The following MRPS11 variants were observed in gnomAD, a reference collection of about 807,000 sequenced individuals.
The protein encoded by MRPS11 is mitochondrial ribosomal protein S11.
MRPS11 carries 27 observed loss-of-function variants against 24.3 expected under a neutral mutation model. That is an observed-to-expected ratio of 1.11 (90% confidence interval 0.82 to 1.53). The LOEUF (loss-of-function observed/expected upper bound fraction) is 1.53, where lower values mean the gene tolerates loss of function less well. Among genes scored for constraint, MRPS11 ranks in the 40% most tolerant of loss-of-function variants. The pLI is 0.00. For synonymous variants in MRPS11, 104 were observed against 98.7 expected, an observed-to-expected ratio of 1.05 and a Z score of -0.32; for missense variants, 277 against 256.5, an observed-to-expected ratio of 1.08 and a Z score of -0.55.
intron 2 of MRPS11, 107 bp downstream of exon 2, chr15:88,468,131 C>T: frequency 2.0e-6 from 3 of 1,485,256 alleles, no homozygotes; most frequent in South Asian, 1.3e-5. Flanking sequence ...ACTTGCTATC[C>T]GTGGGACCTT....
chr15:88,475,950 C>G lies in MRPS11; in HGVS notation c.411+711C>G, dbSNP rs2055813580. On this transcript the variant is annotated intron_variant, in intron 4 of 5. Transcript: ENST00000325844. This position sits in a 1 kb window ranked among gnomAD's most constrained non-coding sequence, Gnocchi z 4.1. ...CCAGCCTGGTGACAGAGCGAGACTC[C>G]ATCTCAAGAAAAAAAATAAAAATAA... Among the ~76,000 whole-genome samples, 1 of 151,854 alleles carries G rather than the reference C, an allele frequency of 6.6e-6. No individual in the cohort carries two copies. Among genetic ancestry groups the G allele is most frequent in the Non-Finnish European group, 1.5e-5 (1 of 67,990 alleles).
chr15:88,468,015 C>G lies in MRPS11; in HGVS notation c.173C>G (p.Thr58Ser). Residue 58 changes from threonine (T) to serine (S), a missense_variant, in exon 2 of 6, where the codon ACC (threonine) becomes AGC (serine). Thr to Ser is a moderately conservative substitution (Grantham distance 58). Transcript: ENST00000325844. ...GAACAGAACGCGGCTCCCAGCCACA[C>G]CAAGTTCAGGTGAGCCCCACTTGGA... ...KVEQNAAPSHTKFSIYPPIPG... is the reference protein window; with the variant it reads ...KVEQNAAPSHSKFSIYPPIPG... 1 of 1,603,622 alleles carries G rather than the reference C, an allele frequency of 6.2e-7. No individual in the cohort carries two copies. The highest frequency in any genetic ancestry group is 1.3e-5 in the African/African-American group (1 of 74,736).
intron 3 of MRPS11, among the ~76,000 whole-genome samples, chr15:88,474,295 C>T (rs1056621869): frequency 4.6e-5 from 7 of 152,256 alleles, no homozygotes; most frequent in Non-Finnish European, 1.0e-4. Context: ...CGAGGTGGCT[C>T]ATGCCTGTAA....
At position 88,480,243 on chromosome 15, in the gene MRPS11, G is replaced by A. The variant is rs1428447703; in HGVS notation, c.*2264G>A. On this transcript the variant is annotated 3_prime_UTR_variant, in exon 6 of 6. Transcript: ENST00000325844. This position sits in a 1 kb window ranked among gnomAD's most constrained non-coding sequence, Gnocchi z 5.1. ...TTTTTATTTTGGTTTTGGTTTTTGA[G>A]TCTCGTTGTCACCCAGGCTGGATTG... 6.6e-6 allele frequency: 1 copy of A among 152,200 alleles called. No individual in the cohort carries two copies. The highest frequency in any genetic ancestry group is 2.4e-5 in the African/African-American group (1 of 41,426). 9.4% of individuals were successfully genotyped at this position (152,200 alleles called of 1,614,324 possible).
At chr15:88,468,373 G>A in intron 2 of MRPS11, 1 of 1,121,852 alleles carries the variant, frequency 8.9e-7, no homozygotes, top group Non-Finnish European at 1.1e-6. Flanking sequence ...GGGAGGTAGA[G>A]GGCGCTAGCG....
Position 88,479,318 on chromosome 15 carries a change from G to C in MRPS11, c.*1339G>C, listed in dbSNP as rs1397170735. 1 of 152,272 alleles carries C rather than the reference G, an allele frequency of 6.6e-6. No homozygotes were observed. The highest frequency in any genetic ancestry group is 6.5e-5 in the Admixed American group (1 of 15,282). 9.4% of individuals were successfully genotyped at this position (152,272 alleles called of 1,614,324 possible). ...TATCACCAGAAGCTGAGAAGGAGTG[G>C]TCAAGTACACAAAAGCACTGTTCCT... is the stretch of plus-strand genomic sequence containing the variant. On this transcript the variant is annotated 3_prime_UTR_variant, in exon 6 of 6. Coordinates refer to ENST00000325844, the MANE Select transcript of MRPS11 (RefSeq NM_022839.5).
intron 3 of MRPS11, among the ~76,000 whole-genome samples, chr15:88,473,429 C>G (rs1360097751): frequency 6.6e-6 from 1 of 152,222 alleles, no homozygotes; most frequent in Non-Finnish European, 1.5e-5. Context: ...GCACAAGAGA[C>G]TACAGTCATG....
rs2055832775 is a variant in MRPS11 at position 88,476,859 on chromosome 15, T to C, written c.412-130T>C. On this transcript the variant is annotated intron_variant, in intron 4 of 5. Coordinates refer to ENST00000325844, the MANE Select transcript of MRPS11 (RefSeq NM_022839.5). ...TCCTCCACTATAGCCATCTGCCCTT[T>C]GCCTCCCTGTTTACTTCTCTGGATG... is the stretch of plus-strand genomic sequence containing the variant. The C allele has an allele frequency of 3.6e-6, 3 of 844,360 alleles. No individual in the cohort carries two copies. The East Asian group carries it at 8.0e-5, about 23-fold the overall frequency. The allele number at this position is 844,360 out of a possible 1,614,324, so 52.3% of individuals were successfully genotyped here.
Position 88,480,397 on chromosome 15 carries a change from T to G in MRPS11, c.*2418T>G, listed in dbSNP as rs1402505011. ...ACACATGGATAATTTTTGTATTTTTTGTATTGAGACCAGGTCTTGAACTCC... is the reference window on the plus strand; with the variant it reads ...ACACATGGATAATTTTTGTATTTTTGGTATTGAGACCAGGTCTTGAACTCC... On this transcript the variant is annotated 3_prime_UTR_variant, in exon 6 of 6. Coordinates refer to ENST00000325844, the MANE Select transcript of MRPS11 (RefSeq NM_022839.5). This position sits in a 1 kb window ranked among gnomAD's most constrained non-coding sequence, Gnocchi z 5.1. 1 of 152,146 alleles carries G rather than the reference T, an allele frequency of 6.6e-6. No homozygotes were observed. Among genetic ancestry groups the G allele is most frequent in the East Asian group, 1.9e-4 (1 of 5,174 alleles). The allele number at this position is 152,146 out of a possible 1,614,324, so 9.4% of individuals were successfully genotyped here.
chr15:88,478,211 G>A lies in MRPS11; in HGVS notation c.*232G>A, dbSNP rs923883173. On this transcript the variant is annotated 3_prime_UTR_variant, in exon 6 of 6. Coordinates refer to ENST00000325844, the MANE Select transcript of MRPS11 (RefSeq NM_022839.5). This position sits in a 1 kb window ranked among gnomAD's most constrained non-coding sequence, Gnocchi z 4.7. ...CAAGAGGGGAGCTACAGGGGCAGCC[G>A]TGGCCTAGGCCCAAACTCTGCTCTG... The A allele has an allele frequency of 3.2e-5, 18 of 563,170 alleles. No homozygotes were observed. The highest frequency in any genetic ancestry group is 4.7e-4 in the Middle Eastern group (1 of 2,124). The allele number at this position is 563,170 out of a possible 1,614,324, so 34.9% of individuals were successfully genotyped here.
intron 3 of MRPS11, among the ~76,000 whole-genome samples, chr15:88,474,036 C>T (rs545889518): frequency 2.0e-5 from 3 of 151,722 alleles, no homozygotes; most frequent in Non-Finnish European, 4.4e-5. Context: ...ATTAGCCAGG[C>T]GTGGTGGCAT....
chr15:88,474,979 C>T (rs1056880127), intron 3 of MRPS11, 131 bp from the exon 4 acceptor site: 79 of 1,065,772 alleles, frequency 7.4e-5, no homozygotes, highest in Non-Finnish European at 1.0e-4. Context: ...ACATGTTCAT[C>T]TGAGAAGCTC....
chr15:88,477,099 G>C lies in MRPS11; in HGVS notation c.477+45G>C, dbSNP rs1366861258. ...ATAGTGTACTTGCCTCCTAGTAAGT[G>C]TGAGAATTTGGGGCTTGAGAGCAGA... On this transcript the variant is annotated intron_variant, in intron 5 of 5. Coordinates refer to ENST00000325844, the MANE Select transcript of MRPS11 (RefSeq NM_022839.5). The surrounding 1 kb of genome is among the most constrained non-coding windows in gnomAD (Gnocchi z 5.7). 1 of 1,586,916 alleles carries C rather than the reference G, an allele frequency of 6.3e-7. No individual in the cohort carries two copies. The highest frequency in any genetic ancestry group is 8.6e-7 in the Non-Finnish European group (1 of 1,157,800).
rs1326580765 is a variant in MRPS11 at position 88,469,901 on chromosome 15, A to C, written c.182+1877A>C. On this transcript the variant is annotated intron_variant, in intron 2 of 5. Transcript: ENST00000325844. The surrounding 1 kb of genome is among the most constrained non-coding windows in gnomAD (Gnocchi z 4.4). ...GACCCCAAATTTTGTTGGCCTAAAC[A>C]ACTGGAAAGACGGAGTTGTCATTGA... is the stretch of plus-strand genomic sequence containing the variant. Among the ~76,000 whole-genome samples, 6 of 152,352 alleles carry C rather than the reference A, an allele frequency of 3.9e-5. No individual in the cohort carries two copies. The East Asian group carries it at 1.2e-3, about 29-fold the overall frequency.
intron 3 of MRPS11, among the ~76,000 whole-genome samples, chr15:88,473,019 G>C (rs1334571117): frequency 2.0e-5 from 3 of 152,116 alleles, no homozygotes; most frequent in Non-Finnish European, 4.4e-5. Flanking sequence ...GTGTATGAGG[G>C]GCATATGGTC....
Position 88,478,275 on chromosome 15 carries a change from A to AT in MRPS11, c.*302dup, listed in dbSNP as rs535568010. On this transcript the variant is annotated 3_prime_UTR_variant, in exon 6 of 6. Transcript: ENST00000325844. The surrounding 1 kb of genome is among the most constrained non-coding windows in gnomAD (Gnocchi z 4.7). ...CTGTACCACCTGTCATAATTTTGAG[A>AT]TTTTTTGCTTTCAGAGTTACGTAAT... 1.4e-3 allele frequency: 535 copies of AT among 374,004 alleles called. No individual in the cohort carries two copies. The highest frequency in any genetic ancestry group is 8.5e-3 in the East Asian group (176 of 20,664). 23.2% of individuals were successfully genotyped at this position (374,004 alleles called of 1,614,324 possible).
chr15:88,468,165 C>T (rs774274323), intron 2 of MRPS11, 141 bp downstream of exon 2: 147 of 1,453,240 alleles, frequency 1.0e-4, no homozygotes, highest in Non-Finnish European at 1.3e-4. Flanking sequence ...TGAGCCTCAG[C>T]CTTCTCATCT....
intron 3 of MRPS11, among the ~76,000 whole-genome samples, chr15:88,473,144 C>G (rs1299818117): frequency 6.6e-6 from 1 of 152,172 alleles, no homozygotes; most frequent in Non-Finnish European, 1.5e-5. Flanking sequence ...GAATCTAGAC[C>G]TCTAAATAGA....
intron 2 of MRPS11, among the ~76,000 whole-genome samples, chr15:88,470,733 G>A (rs1365740441): frequency 6.6e-6 from 1 of 152,164 alleles, no homozygotes; most frequent in Non-Finnish European, 1.5e-5. Flanking sequence ...GCTAATATCT[G>A]ATTGAAATGG....
Sources: allele counts gnomAD v4.1 joint callset (sites outside exome capture counted in the v4.1 genomes callset), GRCh38; gene constraint gnomAD v4.1.1; non-coding constraint Gnocchi (gnomAD v3.1); transcripts MANE v1.5; gene names NCBI Gene and HGNC (gene_info 2026-07-23, HGNC 2026-07-21).